AK3: variants seen among roughly 807,000 people sequenced by gnomAD.
The protein encoded by AK3 is GTP:AMP phosphotransferase AK3, mitochondrial.
AK3 carries 27 observed loss-of-function variants against 23.7 expected under a neutral mutation model. The ratio of observed to expected loss-of-function variants is 1.14; its 90% CI spans 0.84 to 1.57. AK3 has a LOEUF of 1.57. AK3 is among the 40% of genes most tolerant of loss of function. AK3 has a pLI of 0.00. For missense variants in AK3, 406 were observed against 285.6 expected, an observed-to-expected ratio of 1.42 and a Z score of -3.04; for synonymous variants, 159 against 116.0, an observed-to-expected ratio of 1.37 and a Z score of -2.38.
chr9:4,721,208 G>C (rs765863393), intron 2 of AK3, among the ~76,000 whole-genome samples: 3 of 152,064 alleles, frequency 2.0e-5, no homozygotes, highest in Admixed American at 6.6e-5. Flanking sequence ...TTTGAGACCA[G>C]TCTGGCCAAC....
chr9:4,725,257 T>C (rs1220758055), intron 1 of AK3, among the ~76,000 whole-genome samples: 1 of 151,620 alleles, frequency 6.6e-6, no homozygotes, highest in Admixed American at 6.6e-5. Flanking sequence ...GACCTCGTGA[T>C]CTGCCCGCCT....
chr9:4,719,136 A>T lies in AK3; in HGVS notation c.443T>A (p.Val148Glu), dbSNP rs1263830635. 1 of 1,611,898 alleles carries T rather than the reference A, an allele frequency of 6.2e-7. No individual in the cohort carries two copies. The highest frequency in any genetic ancestry group is 1.3e-5 in the African/African-American group (1 of 74,930). The change falls in exon 3 of 5, where the codon GTG (valine) becomes GAG (glutamate). Residue 148 changes from valine to glutamate, a missense_variant and splice_region_variant. Physicochemically the swap from Val to Glu is moderately radical, Grantham distance 121. Transcript: ENST00000381809. ...YNIEFNPPKT[V>E]GIDDLTGEPL... ...GACAGTTCCACAACAACTACTCACC[A>T]CAGTTTTGGGAGGGTTGAATTCAAT...
At chr9:4,734,671 C>T (rs185348241) in intron 1 of AK3, among the ~76,000 whole-genome samples, 5 of 151,146 alleles carry the variant, frequency 3.3e-5, no homozygotes, top group Admixed American at 2.6e-4. Flanking sequence ...CCAGGCTTAC[C>T]TTTTTAAAAT....
At chr9:4,741,209 C>A (rs1587666420), upstream of AK3, 1 of 1,137,446 alleles carries the variant, frequency 8.8e-7, no homozygotes, top group Non-Finnish European at 1.1e-6. Context: ...TACTGCGGTT[C>A]CCCGGCGTTC....
At chr9:4,718,865 G>C (rs1364814772) in intron 3 of AK3, among the ~76,000 whole-genome samples, 1 of 152,182 alleles carries the variant, frequency 6.6e-6, no homozygotes, top group Non-Finnish European at 1.5e-5. Flanking sequence ...AAGGTGTTAT[G>C]AATCTCTATC....
chr9:4,735,446 AATATATACATAGTATATGTGT>A (rs1842265476), intron 1 of AK3, among the ~76,000 whole-genome samples: 4 of 123,666 alleles, frequency 3.2e-5, no homozygotes, highest in South Asian at 2.4e-4. Context: ...TACATATATA[AATATATACATAGTATATGTGT>A]ATATATATAT....
At chr9:4,718,283 T>G (rs537286413) in intron 4 of AK3, 136 bp downstream of exon 4, 1 of 679,838 alleles carries the variant, frequency 1.5e-6, no homozygotes, top group Non-Finnish European at 2.6e-6. Flanking sequence ...CACAAGCTAA[T>G]GTATTTCCTT....
intron 1 of AK3, among the ~76,000 whole-genome samples, chr9:4,727,444 C>T (rs12683859): frequency 0.087 from 13,204 of 152,258 alleles, 631 homozygotes; most frequent in South Asian, 0.19. Context: ...GTTATAGAGA[C>T]GGCTTCTTTC....
At chr9:4,730,405 A>T (rs118086858) in intron 1 of AK3, among the ~76,000 whole-genome samples, 12,695 of 152,158 alleles carry the variant, frequency 0.083, 621 homozygotes, top group African/African-American at 0.13. Flanking sequence ...GAAAAAAAAT[A>T]AAAAAACCAC....
chr9:4,717,947 AT>A (rs1158247463), intron 4 of AK3, among the ~76,000 whole-genome samples: 1 of 152,216 alleles, frequency 6.6e-6, no homozygotes, highest in Non-Finnish European at 1.5e-5. Flanking sequence ...AGTCAGTGTA[AT>A]CAGTGGAATC....
intron 1 of AK3, among the ~76,000 whole-genome samples, chr9:4,734,877 C>G (rs1341293589): frequency 1.3e-5 from 2 of 151,974 alleles, no homozygotes; most frequent in African/African-American, 4.8e-5. Flanking sequence ...AAACACTAAG[C>G]TAAATGAAAG....
intron 1 of AK3, among the ~76,000 whole-genome samples, chr9:4,737,793 A>G (rs1383726445): frequency 5.3e-5 from 8 of 152,216 alleles, no homozygotes; most frequent in Admixed American, 2.6e-4. Context: ...CCTGACTCCA[A>G]GTTTCAGTGA....
At chr9:4,717,370 T>C (rs1563783908) in intron 4 of AK3, among the ~76,000 whole-genome samples, 1 of 152,226 alleles carries the variant, frequency 6.6e-6, no homozygotes, top group Non-Finnish European at 1.5e-5. Flanking sequence ...CTATACGTGT[T>C]GCAGACAAAA....
chr9:4,719,281 C>G lies in AK3; in HGVS notation c.298G>C (p.Glu100Gln), dbSNP rs1391150752. The change falls in exon 3 of 5, where the codon GAA (glutamate) becomes CAA (glutamine). Residue 100 changes from glutamate (E) to glutamine (Q), a missense_variant. Physicochemically the swap from Glu to Gln is conservative, Grantham distance 29. Coordinates refer to ENST00000381809, the MANE Select transcript of AK3 (RefSeq NM_016282.4). Reference sequence around the variant, plus strand: ...ATCTGATAAGCTCTATCTAGGGCTTCTGCCTGTGGAAGTGTCCTTGGAAAA... The same window carrying G: ...ATCTGATAAGCTCTATCTAGGGCTTGTGCCTGTGGAAGTGTCCTTGGAAAA... ...DGFPRTLPQA[E>Q]ALDRAYQIDT... 6.8e-7 allele frequency: 1 copy of G among 1,480,168 alleles called. No individual in the cohort carries two copies. The allele number at this position is 1,480,168 out of a possible 1,614,324, so 91.7% of individuals were successfully genotyped here.
chr9:4,714,175 T>C lies in AK3; in HGVS notation c.564-1079A>G, dbSNP rs74425961. 3.2e-3 allele frequency among the ~76,000 whole-genome samples: 115 copies of C among 36,016 alleles called. 24 individuals carry two copies. The highest frequency in any genetic ancestry group is 6.3e-3 in the African/African-American group (69 of 10,868). 23.6% of individuals were successfully genotyped at this position (36,016 alleles called of 152,430 possible). ...CTCCACATACACACACCTCCACACA[T>C]ACGCCTCCACATACACACACCTCCA... is the stretch of plus-strand genomic sequence containing the variant. On this transcript the variant is annotated intron_variant, in intron 4 of 4. Transcript: ENST00000381809.
At chr9:4,729,602 C>A (rs964980842) in intron 1 of AK3, among the ~76,000 whole-genome samples, 5 of 151,972 alleles carry the variant, frequency 3.3e-5, no homozygotes, top group Admixed American at 2.0e-4. Context: ...TGGGAGCCAA[C>A]ACAGGAAGAC....
chr9:4,741,119 A>G lies in AK3; in HGVS notation c.-32T>C. On this transcript the variant is annotated 5_prime_UTR_variant, in exon 1 of 5. Transcript: ENST00000381809. ...AGACTGAGGCCCGCACCGCGCGGGT[A>G]CCAGGGCTTTGGCCTGGCCTGCGCG... The G allele has an allele frequency of 1.4e-6, 2 of 1,478,946 alleles. No homozygotes were observed. The highest frequency in any genetic ancestry group is 1.3e-5 in the South Asian group (1 of 75,850). 91.6% of individuals were successfully genotyped at this position (1,478,946 alleles called of 1,614,324 possible). A position where few individuals can be genotyped will look rare whatever the true frequency, so the allele number is the denominator to read the frequency against.
Position 4,719,115 on chromosome 9 carries a change from G to C in AK3, c.444+20C>G. On this transcript the variant is annotated intron_variant, in intron 3 of 4. Coordinates refer to ENST00000381809, the MANE Select transcript of AK3 (RefSeq NM_016282.4). The stretch of plus-strand genomic sequence containing the variant: ...CTCAGGGACAGTCTGCTATGTGACA[G>C]TTCCACAACAACTACTCACCACAGT... 2 of 1,611,598 alleles carry C rather than the reference G, an allele frequency of 1.2e-6. No individual in the cohort carries two copies. The highest frequency in any genetic ancestry group is 1.7e-6 in the Non-Finnish European group (2 of 1,179,630).
At chr9:4,722,437 T>A in intron 2 of AK3, 69 bp downstream of exon 2, 1 of 1,607,482 alleles carries the variant, frequency 6.2e-7, no homozygotes, top group Non-Finnish European at 8.5e-7. Context: ...CTGAAGCCCA[T>A]GAAATGCTCA....
Sources: allele counts gnomAD v4.1 joint callset (sites outside exome capture counted in the v4.1 genomes callset), GRCh38; gene constraint gnomAD v4.1.1; transcripts MANE v1.5; gene names NCBI Gene and HGNC (gene_info 2026-07-23, HGNC 2026-07-21).